Variants in HS3ST4 observed in about 807,000 individuals in gnomAD.
The protein encoded by HS3ST4 is heparan sulfate glucosamine 3-O-sulfotransferase 4.
A neutral mutation model predicts 29.2 loss-of-function variants in HS3ST4; 17 were observed. The observed-to-expected ratio is 0.58, with a 90% CI of 0.40 to 0.87. The LOEUF is 0.87. HS3ST4 is among the 40% of genes least tolerant of loss of function. HS3ST4 has a pLI of 0.00. For missense variants in HS3ST4, 627 were observed against 634.5 expected, an observed-to-expected ratio of 0.99 and a Z score of 0.13; for synonymous variants, 314 against 285.7, an observed-to-expected ratio of 1.10 and a Z score of -1.00.
chr16:26,071,239 A>G (rs1478432025), intron 1 of HS3ST4, among the ~76,000 whole-genome samples: 2 of 152,154 alleles, frequency 1.3e-5, no homozygotes, highest in Non-Finnish European at 2.9e-5. Flanking sequence ...CTATGAAAAC[A>G]TCCTTGAGAG....
chr16:26,128,948 A>G (rs1899382043), intron 1 of HS3ST4, among the ~76,000 whole-genome samples: 1 of 152,192 alleles, frequency 6.6e-6, no homozygotes, highest in African/African-American at 2.4e-5. Flanking sequence ...TTGCTAATTT[A>G]TGCACCATTT....
chr16:25,886,709 CT>C (rs1967957475), intron 1 of HS3ST4: 1 of 152,166 alleles, frequency 6.6e-6, no homozygotes, highest in Non-Finnish European at 1.5e-5. Context: ...ACAGCATGGC[CT>C]ATTTTAGGGG....
intron 1 of HS3ST4, among the ~76,000 whole-genome samples, chr16:26,123,070 G>A (rs1262919723): frequency 6.0e-5 from 9 of 150,650 alleles, no homozygotes; most frequent in African/African-American, 1.9e-4. Flanking sequence ...AAAAAAAACC[G>A]GGGGCTTGAA....
chr16:25,725,224 G>A (rs1271135273), intron 1 of HS3ST4, among the ~76,000 whole-genome samples: 1 of 152,056 alleles, frequency 6.6e-6, no homozygotes, highest in Non-Finnish European at 1.5e-5. Context: ...GTGTATCAGA[G>A]GATGGAATGG....
intron 1 of HS3ST4, among the ~76,000 whole-genome samples, chr16:26,090,329 T>C (rs1282642391): frequency 6.8e-6 from 1 of 147,920 alleles, no homozygotes; most frequent in Non-Finnish European, 1.5e-5. Flanking sequence ...TTTATGATCC[T>C]TTCGTCTGTC....
chr16:25,692,808 G>C lies in HS3ST4; in HGVS notation c.391G>C (p.Gly131Arg). 1.4e-6 allele frequency: 2 copies of C among 1,381,518 alleles called. No homozygotes were observed. Among genetic ancestry groups the C allele is most frequent in the Non-Finnish European group, 1.9e-6 (2 of 1,076,762 alleles). The allele number at this position is 1,381,518 out of a possible 1,614,324, so 85.6% of individuals were successfully genotyped here. The stretch of plus-strand genomic sequence containing the variant: ...GACCGACGGCTGGGGGCTGCCGAGC[G>C]GCGGCGGAGGCGCCCAGGACGCCTG... ...PGTDGWGLPSGGGGAQDAWLR... is the reference protein window; with the variant it reads ...PGTDGWGLPSRGGGAQDAWLR... The change falls in exon 1 of 2, where the codon GGC becomes CGC. Residue 131 changes from glycine to arginine, a missense_variant. Physicochemically the swap from Gly to Arg is moderately radical, Grantham distance 125. Around this residue, in one of 2 missense-constraint regions of HS3ST4, gnomAD observed 402 missense variants for 340.8 expected, o/e 1.18. Coordinates refer to ENST00000331351, the MANE Select transcript of HS3ST4 (RefSeq NM_006040.3).
intron 1 of HS3ST4, among the ~76,000 whole-genome samples, chr16:25,991,078 C>A (rs921242005): frequency 6.7e-6 from 1 of 148,568 alleles, no homozygotes; most frequent in Admixed American, 6.6e-5. Flanking sequence ...CTCTCCAAGT[C>A]CTCTTATCAT....
chr16:25,873,650 ATCCG>A (rs1227946459), intron 1 of HS3ST4, among the ~76,000 whole-genome samples: 671 of 58,074 alleles, frequency 0.012, 6 homozygotes, highest in African/African-American at 0.035. Flanking sequence ...CCATCCATCC[ATCCG>A]TCCGTCCATC....
intron 1 of HS3ST4, among the ~76,000 whole-genome samples, chr16:25,725,132 T>C (rs1048736708): frequency 6.6e-6 from 1 of 152,160 alleles, no homozygotes; most frequent in African/African-American, 2.4e-5. Context: ...ATTTTTGTTT[T>C]TCATAGGCAC....
At chr16:26,004,384 G>T (rs1324795853) in intron 1 of HS3ST4, among the ~76,000 whole-genome samples, 1 of 152,102 alleles carries the variant, frequency 6.6e-6, no homozygotes, top group African/African-American at 2.4e-5. Context: ...ACTCTACCAA[G>T]ATGCTGTGGT....
intron 1 of HS3ST4, among the ~76,000 whole-genome samples, chr16:26,134,438 C>A (rs975567592): frequency 3.4e-5 from 5 of 148,220 alleles, no homozygotes; most frequent in African/African-American, 1.3e-4. Flanking sequence ...TCTCAGCTCA[C>A]TGCAACCTCT....
At chr16:25,747,730 T>C (rs1966693847) in intron 1 of HS3ST4, among the ~76,000 whole-genome samples, 1 of 152,168 alleles carries the variant, frequency 6.6e-6, no homozygotes, top group African/African-American at 2.4e-5. Flanking sequence ...CTTACAGAGG[T>C]CTCCACTGCC....
rs576430734 is a variant in HS3ST4 at position 26,119,947 on chromosome 16, G to A, written c.735-15665G>A. Reference sequence around the variant, plus strand: ...AGAAAAGGCTGATGTGAAAGAGAACGTTTTTAGGTGGGGTTCTTGGGGTGG... The same window carrying A: ...AGAAAAGGCTGATGTGAAAGAGAACATTTTTAGGTGGGGTTCTTGGGGTGG... On this transcript the variant is annotated intron_variant, in intron 1 of 1. Transcript: ENST00000331351. Among the ~76,000 whole-genome samples, 233 of 152,236 alleles carry A rather than the reference G, an allele frequency of 1.5e-3. 2 individuals carry two copies. Among genetic ancestry groups the A allele is most frequent in the Middle Eastern group, 3.4e-3 (1 of 294 alleles).
chr16:25,694,277 G>T (rs1283147418), intron 1 of HS3ST4, among the ~76,000 whole-genome samples: 1 of 152,118 alleles, frequency 6.6e-6, no homozygotes, highest in Non-Finnish European at 1.5e-5. Flanking sequence ...GTGCTTTCTA[G>T]GTTTAAATTA....
chr16:26,043,022 C>T (rs1037584402), intron 1 of HS3ST4, among the ~76,000 whole-genome samples: 1 of 152,124 alleles, frequency 6.6e-6, no homozygotes. Context: ...ACAAATAGTA[C>T]CCAAGAGTTA....
rs565976485 is a variant in HS3ST4, at chr16:26,020,752, A to T, written c.735-114860A>T. ...TCTCAAGCCTCATCCCAGACCTTCT[A>T]AACCAGAATCTGCCTTCAAGTAGAT... On this transcript the variant is annotated intron_variant, in intron 1 of 1. Coordinates refer to ENST00000331351, the MANE Select transcript of HS3ST4 (RefSeq NM_006040.3). Among the ~76,000 whole-genome samples, 361 of 152,298 alleles carry T rather than the reference A, an allele frequency of 2.4e-3. 2 individuals carry two copies. The highest frequency in any genetic ancestry group is 8.3e-3 in the African/African-American group (343 of 41,568).
Position 26,136,190 on chromosome 16 carries a change from T to A in HS3ST4, c.1313T>A (p.Met438Lys). The A allele has an allele frequency of 6.2e-7, 1 of 1,613,436 alleles. No individual in the cohort carries two copies. The highest frequency in any genetic ancestry group is 8.5e-7 in the Non-Finnish European group (1 of 1,179,700). Reference protein sequence around the residue: ...LRKFYKPFNLMFYQMTGQDFQ... With the variant: ...LRKFYKPFNLKFYQMTGQDFQ... ...AAATTCTACAAACCCTTCAACTTGA[T>A]GTTTTACCAAATGACTGGTCAAGAT... The change falls in exon 2 of 2, where the codon ATG becomes AAG. Residue 438 changes from methionine (M) to lysine (K), a missense_variant. Physicochemically the swap from Met to Lys is moderately conservative, Grantham distance 95. Coordinates refer to ENST00000331351, the MANE Select transcript of HS3ST4 (RefSeq NM_006040.3).
intron 1 of HS3ST4, among the ~76,000 whole-genome samples, chr16:25,864,222 C>T (rs1462539196): frequency 2.0e-5 from 3 of 152,216 alleles, no homozygotes; most frequent in African/African-American, 4.8e-5. Context: ...CGGTGTGCAA[C>T]ATGATGTCTT....
chr16:25,693,223 C>T (rs986902008), intron 1 of HS3ST4, 72 bp downstream of exon 1: 3 of 1,440,706 alleles, frequency 2.1e-6, no homozygotes, highest in South Asian at 1.5e-5. Context: ...CGGCTTTCCA[C>T]GCCCTTCGAG....
Sources: allele counts gnomAD v4.1 joint callset (sites outside exome capture counted in the v4.1 genomes callset), GRCh38; gene constraint gnomAD v4.1.1; regional missense constraint gnomAD v4.1.1; transcripts MANE v1.5; gene names NCBI Gene and HGNC (gene_info 2026-07-23, HGNC 2026-07-21).